QTMAN: variants seen among roughly 807,000 people sequenced by gnomAD.
QTMAN encodes the protein queuosine-tRNA mannosyltransferase.
chr2:144,223,125 T>C, the QTMAN span, among the ~76,000 whole-genome samples: 1 of 152,176 alleles, frequency 6.6e-6, no homozygotes, highest in Non-Finnish European at 1.5e-5. Flanking sequence ...ATCACTCTGT[T>C]CCTGGAATTG....
At chr2:144,214,122 T>C in the QTMAN span, among the ~76,000 whole-genome samples, 1 of 151,848 alleles carries the variant, frequency 6.6e-6, no homozygotes, top group Non-Finnish European at 1.5e-5. Context: ...ATGTGACCAG[T>C]GATTCCCCTA....
the QTMAN span, among the ~76,000 whole-genome samples, chr2:144,183,194 G>A: frequency 2.0e-5 from 3 of 151,734 alleles, no homozygotes; most frequent in Middle Eastern, 3.4e-3. Flanking sequence ...GGTTTCAGGT[G>A]AGCAGAATAA....
At chr2:144,096,949 G>A in the QTMAN span, among the ~76,000 whole-genome samples, 1 of 152,242 alleles carries the variant, frequency 6.6e-6, no homozygotes, top group East Asian at 1.9e-4. Context: ...GAGAATAAAC[G>A]AATTCAAAAT....
the QTMAN span, among the ~76,000 whole-genome samples, chr2:144,287,031 G>C: frequency 6.6e-6 from 1 of 152,150 alleles, no homozygotes. Flanking sequence ...AATGCAAATA[G>C]AACAGAAAAA....
At chr2:144,205,062 A>T in the QTMAN span, among the ~76,000 whole-genome samples, 1 of 152,080 alleles carries the variant, frequency 6.6e-6, no homozygotes, top group African/African-American at 2.4e-5. Context: ...GTTAATGGGT[A>T]CAGCACACCA....
the QTMAN span, among the ~76,000 whole-genome samples, chr2:144,195,649 T>C: frequency 2.0e-5 from 3 of 152,114 alleles, no homozygotes; most frequent in Non-Finnish European, 4.4e-5. Flanking sequence ...CGTATGTGCA[T>C]TTTCCTTTTT....
the QTMAN span, among the ~76,000 whole-genome samples, chr2:144,222,160 C>T: frequency 6.6e-6 from 1 of 151,732 alleles, no homozygotes; most frequent in Non-Finnish European, 1.5e-5. Flanking sequence ...CCCGGGTTTA[C>T]ACCATTCTCC....
At chr2:144,103,111 T>C in the QTMAN span, among the ~76,000 whole-genome samples, 18 of 152,176 alleles carry the variant, frequency 1.2e-4, no homozygotes, top group Non-Finnish European at 8.8e-5. Context: ...ATGACAATAA[T>C]AACAACTAGC....
chr2:144,167,361 C>T, the QTMAN span, among the ~76,000 whole-genome samples: 1 of 152,086 alleles, frequency 6.6e-6, no homozygotes, highest in Non-Finnish European at 1.5e-5. Flanking sequence ...TCCTCTATTT[C>T]CAGTGGCCAA....
the QTMAN span, among the ~76,000 whole-genome samples, chr2:144,198,491 TATA>T: frequency 1.1e-4 from 16 of 152,310 alleles, no homozygotes; most frequent in South Asian, 3.1e-3. Context: ...GCTGGTGGAA[TATA>T]AGCTTAGCTC....
At chr2:144,053,224 C>T in the QTMAN span, among the ~76,000 whole-genome samples, 2 of 152,232 alleles carry the variant, frequency 1.3e-5, no homozygotes, top group East Asian at 3.9e-4. Flanking sequence ...ACTTTTGTTT[C>T]AGATAAATGT....
At chr2:144,132,508 G>A in the QTMAN span, among the ~76,000 whole-genome samples, 25 of 152,062 alleles carry the variant, frequency 1.6e-4, no homozygotes, top group Non-Finnish European at 3.1e-4. Flanking sequence ...CATCACCCAT[G>A]TGGAATGTAT....
the QTMAN span, among the ~76,000 whole-genome samples, chr2:144,086,056 C>T: frequency 6.6e-6 from 1 of 152,060 alleles, no homozygotes; most frequent in African/African-American, 2.4e-5. Flanking sequence ...TTTACAAAGG[C>T]CCCATAACTC....
the QTMAN span, among the ~76,000 whole-genome samples, chr2:143,949,730 C>G: frequency 6.6e-6 from 1 of 151,806 alleles, no homozygotes; most frequent in Non-Finnish European, 1.5e-5. Flanking sequence ...TGCTAATTCT[C>G]TAGTATTTAG....
chr2:144,228,000 A>G, the QTMAN span, among the ~76,000 whole-genome samples: 1 of 152,184 alleles, frequency 6.6e-6, no homozygotes, highest in Non-Finnish European at 1.5e-5. Context: ...AGAAAAAGAG[A>G]AAGTATCCAT....
chr2:144,275,991 C>T, the QTMAN span, among the ~76,000 whole-genome samples: 1 of 152,132 alleles, frequency 6.6e-6, no homozygotes, highest in African/African-American at 2.4e-5. Flanking sequence ...CACAGACACA[C>T]ATGCACACGT....
chr2:144,273,419 T>C, the QTMAN span, among the ~76,000 whole-genome samples: 1 of 152,188 alleles, frequency 6.6e-6, no homozygotes, highest in Admixed American at 6.5e-5. Context: ...TAGTCTCCTC[T>C]AAGTTGTGAC....
chr2:143,968,075 G>T, the QTMAN span, among the ~76,000 whole-genome samples: 2 of 152,272 alleles, frequency 1.3e-5, no homozygotes, highest in South Asian at 4.2e-4. Flanking sequence ...GGCCTTCTAA[G>T]GGCACAACCT....
chr2:144,170,507 A>G, the QTMAN span, among the ~76,000 whole-genome samples: 1 of 152,128 alleles, frequency 6.6e-6, no homozygotes, highest in Non-Finnish European at 1.5e-5. Flanking sequence ...GCGCTCTAAG[A>G]AACTCAGATC....
Sources: allele counts gnomAD v4.1 joint callset (sites outside exome capture counted in the v4.1 genomes callset), GRCh38; gene constraint gnomAD v4.1.1; transcripts MANE v1.5; gene names NCBI Gene and HGNC (gene_info 2026-07-23, HGNC 2026-07-21).